The following PIWIL2 variants were observed in gnomAD, a reference collection of about 807,000 sequenced individuals.
PIWIL2 encodes the protein piwi-like protein 2.
Under a neutral mutation model 116.5 loss-of-function variants are expected in PIWIL2, and 81 were observed. The observed-to-expected ratio is 0.70, with a 90% confidence interval of 0.58 to 0.84. PIWIL2 has a LOEUF of 0.84. Ranked by LOEUF, PIWIL2 falls within the 40% of genes least tolerant of loss-of-function variation. PIWIL2 has a pLI of 0.00. For synonymous variants in PIWIL2, 489 were observed against 429.5 expected, an observed-to-expected ratio of 1.14 and a Z score of -1.71; for missense variants, 1,272 against 1,212.3, an observed-to-expected ratio of 1.05 and a Z score of -0.73.
chr8:22,299,676 A>G (rs1173292814), intron 10 of PIWIL2, among the ~76,000 whole-genome samples: 1 of 152,150 alleles, frequency 6.6e-6, no homozygotes, highest in South Asian at 2.1e-4. Context: ...TAAAGTATAC[A>G]GTTTGATGAG....
At position 22,305,940 on chromosome 8, in the gene PIWIL2, A is replaced by G. The variant is rs1178947564; in HGVS notation, c.1469A>G (p.Glu490Gly). ...CTCTCTTCAAAGCTGCTAAAAGGGG[A>G]AATCCTGCTGCTGCCTGAGCTTTCT... ...QDNHGMLLKG[E>G]ILLLPELSFM... The change falls in exon 13 of 23, where the codon GAA becomes GGA. Residue 490 changes from glutamate (E) to glycine (G), a missense_variant. Physicochemically the swap from Glu to Gly is moderately conservative, Grantham distance 98. Coordinates refer to ENST00000356766, the MANE Select transcript of PIWIL2 (RefSeq NM_018068.5). 4.3e-6 allele frequency: 7 copies of G among 1,613,736 alleles called. No individual in the cohort carries two copies. Among genetic ancestry groups the G allele is most frequent in the South Asian group, 1.1e-5 (1 of 91,068 alleles).
intron 9 of PIWIL2, 82 bp from the exon 10 acceptor site, chr8:22,290,151 C>A: frequency 1.2e-6 from 1 of 818,084 alleles, no homozygotes; most frequent in Non-Finnish European, 2.0e-6. Flanking sequence ...GGCAGTATCA[C>A]CTCAATGTTT....
At chr8:22,287,253 A>T (rs1307399625) in intron 6 of PIWIL2, among the ~76,000 whole-genome samples, 1 of 152,212 alleles carries the variant, frequency 6.6e-6, no homozygotes, top group African/African-American at 2.4e-5. Flanking sequence ...TCTCAAAAAC[A>T]AATGTGTATA....
intron 20 of PIWIL2, among the ~76,000 whole-genome samples, chr8:22,350,141 A>G (rs1832322028): frequency 2.6e-5 from 4 of 152,220 alleles, no homozygotes; most frequent in Admixed American, 2.0e-4. Context: ...ATCTACCCAC[A>G]AATGTCAGTA....
At chr8:22,325,400 C>G (rs1831699076) in intron 20 of PIWIL2, among the ~76,000 whole-genome samples, 1 of 151,514 alleles carries the variant, frequency 6.6e-6, no homozygotes, top group African/African-American at 2.4e-5. Flanking sequence ...CAAACCATTA[C>G]TGTGAGGATG....
chr8:22,301,387 C>T (rs1831045349), intron 10 of PIWIL2, among the ~76,000 whole-genome samples: 1 of 151,876 alleles, frequency 6.6e-6, no homozygotes, highest in South Asian at 2.1e-4. Context: ...TAGCCTCTGC[C>T]TCCTGGGCTG....
At chr8:22,330,414 T>G (rs1041006331) in intron 20 of PIWIL2, among the ~76,000 whole-genome samples, 1 of 152,120 alleles carries the variant, frequency 6.6e-6, no homozygotes, top group African/African-American at 2.4e-5. Context: ...AAATAGTTGA[T>G]ATAGCCGGGC....
intron 20 of PIWIL2, among the ~76,000 whole-genome samples, chr8:22,326,794 T>C (rs904181590): frequency 1.3e-5 from 2 of 152,240 alleles, no homozygotes; most frequent in African/African-American, 4.8e-5. Flanking sequence ...ATAATGCTGC[T>C]GTAAACATTC....
At chr8:22,321,265 C>T (rs1462609686) in intron 20 of PIWIL2, among the ~76,000 whole-genome samples, 8 of 151,958 alleles carry the variant, frequency 5.3e-5, no homozygotes, top group Non-Finnish European at 1.0e-4. Context: ...CATATGCCAC[C>T]AAGCCTGGCT....
intron 11 of PIWIL2, 87 bp downstream of exon 11, chr8:22,304,296 A>G: frequency 3.9e-6 from 3 of 776,464 alleles, no homozygotes; most frequent in Middle Eastern, 2.4e-4. Flanking sequence ...CTGCAATAGC[A>G]TACCACTTGA....
chr8:22,352,723 G>A, intron 20 of PIWIL2: 1 of 455,700 alleles, frequency 2.2e-6, no homozygotes, highest in Non-Finnish European at 3.9e-6. Flanking sequence ...TAACTTGCAT[G>A]TTTTGCTTTC....
chr8:22,316,229 T>C lies in PIWIL2; in HGVS notation c.2209-16T>C. Reference sequence around the variant, plus strand: ...CAGGTCTGGGGTTTGGTTTTTGTTTTTGTTTTCTAAACTAGAAACAGTTAA... The same window carrying C: ...CAGGTCTGGGGTTTGGTTTTTGTTTCTGTTTTCTAAACTAGAAACAGTTAA... On this transcript the variant is annotated splice_polypyrimidine_tract_variant and intron_variant, in intron 18 of 22. Coordinates refer to ENST00000356766, the MANE Select transcript of PIWIL2 (RefSeq NM_018068.5). 2 of 1,585,090 alleles carry C rather than the reference T, an allele frequency of 1.3e-6. No individual in the cohort carries two copies. The highest frequency in any genetic ancestry group is 2.2e-5 in the South Asian group (2 of 90,442).
At chr8:22,314,928 G>A (rs1831419931) in intron 17 of PIWIL2, 101 bp from the exon 18 acceptor site, 1 of 708,380 alleles carries the variant, frequency 1.4e-6, no homozygotes, top group Admixed American at 2.2e-5. Context: ...CTTCTAACTT[G>A]AGTTTCTTAA....
chr8:22,285,059 C>T (rs2131988574), intron 6 of PIWIL2, among the ~76,000 whole-genome samples: 1 of 152,200 alleles, frequency 6.6e-6, no homozygotes, highest in South Asian at 2.1e-4. Context: ...ACATATGTGT[C>T]ACCTCACCTA....
intron 20 of PIWIL2, among the ~76,000 whole-genome samples, chr8:22,350,756 C>T (rs1832334498): frequency 6.6e-6 from 1 of 152,112 alleles, no homozygotes; most frequent in Non-Finnish European, 1.5e-5. Context: ...AACCTCAGCA[C>T]TTTGGGAGGC....
chr8:22,339,135 G>C (rs1334547088), intron 20 of PIWIL2, among the ~76,000 whole-genome samples: 2 of 152,192 alleles, frequency 1.3e-5, no homozygotes, highest in East Asian at 3.8e-4. Context: ...ACATACACAA[G>C]AATGACATTG....
intron 19 of PIWIL2, 152 bp downstream of exon 19, chr8:22,316,485 CG>C (rs1004183374): frequency 1.9e-5 from 11 of 574,614 alleles, no homozygotes; most frequent in Non-Finnish European, 2.5e-5. Context: ...TTTTTTTTTT[CG>C]GGGGGGAGGG....
rs1563380058 is a variant in PIWIL2 at position 22,307,927 on chromosome 8, G to C, written c.1546-6G>C. The C allele has an allele frequency of 2.5e-6, 4 of 1,596,138 alleles. No individual in the cohort carries two copies. Among genetic ancestry groups the C allele is most frequent in the Non-Finnish European group, 3.4e-6 (4 of 1,167,828 alleles). On this transcript the variant is annotated splice_polypyrimidine_tract_variant and splice_region_variant and intron_variant, in intron 13 of 22. Transcript: ENST00000356766. Reference sequence around the variant, plus strand: ...TATAAGTTATCTTTATTTTAATTCTGTTTAGGATTTGGCTCAGCAAATCAA... The same window carrying C: ...TATAAGTTATCTTTATTTTAATTCTCTTTAGGATTTGGCTCAGCAAATCAA...
At chr8:22,352,697 G>C (rs924899186) in intron 20 of PIWIL2, 2 of 398,882 alleles carry the variant, frequency 5.0e-6, no homozygotes, top group Non-Finnish European at 9.0e-6. Context: ...TGGATAAGCC[G>C]TATGCATGTG....
Sources: gnomAD v4.1 joint callset for allele counts (sites outside exome capture counted in the v4.1 genomes callset) on GRCh38, gnomAD v4.1.1 for gene constraint, MANE v1.5 for transcripts, NCBI Gene and HGNC (gene_info 2026-07-23, HGNC 2026-07-21) for gene names.